Variants in TBC1D12 observed in about 807,000 individuals in gnomAD.
The protein encoded by TBC1D12 is TBC1 domain family member 12.
A neutral mutation model predicts 86.7 loss-of-function variants in TBC1D12; 56 were observed. The ratio of observed to expected loss-of-function variants is 0.65; its 90% CI spans 0.52 to 0.81. The LOEUF (loss-of-function observed/expected upper bound fraction) is 0.81. TBC1D12 is among the 30% of genes least tolerant of loss of function. The pLI, the probability that TBC1D12 is intolerant of heterozygous loss-of-function variation, is 0.00. For synonymous variants in TBC1D12, 421 were observed against 411.7 expected, an observed-to-expected ratio of 1.02 and a Z score of -0.27; for missense variants, 1,023 against 1,038.8, an observed-to-expected ratio of 0.98 and a Z score of 0.21.
chr10:94,484,770 C>A (rs1371462676), intron 3 of TBC1D12, among the ~76,000 whole-genome samples: 1 of 152,058 alleles, frequency 6.6e-6, no homozygotes, highest in African/African-American at 2.4e-5. Context: ...TCTTCAATTT[C>A]TTTTATCAGT....
intron 1 of TBC1D12, among the ~76,000 whole-genome samples, chr10:94,423,342 C>CTTTTTTTTTTT (rs71486719): frequency 1.1e-5 from 1 of 94,204 alleles, no homozygotes; most frequent in Non-Finnish European, 1.9e-5. Flanking sequence ...CATTCACCAT[C>CTTTTTTTTTTT]TTTTTTTTTT....
intron 2 of TBC1D12, among the ~76,000 whole-genome samples, chr10:94,447,843 C>T: frequency 6.7e-6 from 1 of 148,304 alleles, no homozygotes; most frequent in Admixed American, 6.8e-5. Flanking sequence ...TTCAAATGAA[C>T]CATGTTATAT....
At chr10:94,448,171 C>A (rs1038103787) in intron 2 of TBC1D12, among the ~76,000 whole-genome samples, 3 of 152,168 alleles carry the variant, frequency 2.0e-5, no homozygotes, top group Admixed American at 1.3e-4. Context: ...AGATCACTTT[C>A]CTCAGTTAAG....
chr10:94,466,973 C>T (rs777343393), intron 2 of TBC1D12, among the ~76,000 whole-genome samples: 1 of 151,574 alleles, frequency 6.6e-6, no homozygotes, highest in Non-Finnish European at 1.5e-5. Context: ...CTATTATTTT[C>T]TAGAATGGTC....
chr10:94,498,046 C>G (rs1379540594), intron 5 of TBC1D12, among the ~76,000 whole-genome samples: 1 of 152,070 alleles, frequency 6.6e-6, no homozygotes, highest in Non-Finnish European at 1.5e-5. Flanking sequence ...GTCTCGATCT[C>G]CTGACCTTGT....
chr10:94,405,041 T>C (rs747516645), intron 1 of TBC1D12, among the ~76,000 whole-genome samples: 1 of 144,244 alleles, frequency 6.9e-6, no homozygotes, highest in Non-Finnish European at 1.5e-5. Context: ...GAGCTAGACT[T>C]CTCTCAAAAA....
chr10:94,457,638 G>C (rs1042893265), intron 2 of TBC1D12, among the ~76,000 whole-genome samples: 1 of 152,134 alleles, frequency 6.6e-6, no homozygotes, highest in Non-Finnish European at 1.5e-5. Context: ...TATTGATACA[G>C]TTGGATTATT....
At chr10:94,488,124 G>A (rs773167723) in intron 3 of TBC1D12, among the ~76,000 whole-genome samples, 5 of 151,938 alleles carry the variant, frequency 3.3e-5, no homozygotes, top group African/African-American at 9.7e-5. Flanking sequence ...AGTGGCTTAC[G>A]ACTGTAATCC....
Position 94,402,865 on chromosome 10 carries a change from G to T in TBC1D12, c.252G>T (p.Gly84=). 1 of 1,526,550 alleles carries T rather than the reference G, an allele frequency of 6.6e-7. No individual in the cohort carries two copies. The highest frequency in any genetic ancestry group is 1.2e-5 in the South Asian group (1 of 80,698). The allele number at this position is 1,526,550 out of a possible 1,614,324, so 94.6% of individuals were successfully genotyped here. A position where few individuals can be genotyped will look rare whatever the true frequency, so the allele number is the denominator to read the frequency against. The change falls in exon 1 of 13, where the codon GGG becomes GGT. Residue 84 remains glycine, a synonymous_variant. Coordinates refer to ENST00000225235, the MANE Select transcript of TBC1D12 (RefSeq NM_015188.2). ...CGGCCGGGGAGCAGCTGGAGCCGGG[G>T]CTCTGCTACTGTCCGCTCCCCGCTG... The part of the protein sequence containing the change: ...LAAAGEQLEP[G]LCYCPLPAGQ...
intron 1 of TBC1D12, among the ~76,000 whole-genome samples, chr10:94,419,672 G>GA (rs1173581849): frequency 4.0e-5 from 6 of 151,596 alleles, no homozygotes; most frequent in African/African-American, 1.2e-4. Context: ...CTGTCTCAGG[G>GA]AAAAAAAAGA....
chr10:94,534,749 T>G lies in TBC1D12; in HGVS notation c.*1653T>G, dbSNP rs997366670. On this transcript the variant is annotated 3_prime_UTR_variant, in exon 13 of 13. Transcript: ENST00000225235. ...AATTGAAACATAGCATGAATTATTT[T>G]TATGTCGAGTTCTTGAACTGCTAAT... is the stretch of plus-strand genomic sequence containing the variant. 2.0e-5 allele frequency: 3 copies of G among 152,182 alleles called. No individual in the cohort carries two copies. The highest frequency in any genetic ancestry group is 1.3e-4 in the Admixed American group (2 of 15,280). The allele number at this position is 152,182 out of a possible 1,614,324, so 9.4% of individuals were successfully genotyped here.
intron 11 of TBC1D12, among the ~76,000 whole-genome samples, chr10:94,523,695 G>A (rs1368924838): frequency 6.6e-6 from 1 of 152,292 alleles, no homozygotes; most frequent in East Asian, 1.9e-4. Context: ...AAGTGCAGTG[G>A]CTGACGCCTG....
chr10:94,493,278 T>C, intron 3 of TBC1D12, 87 bp from the exon 4 acceptor site: 1 of 962,810 alleles, frequency 1.0e-6, no homozygotes, highest in Non-Finnish European at 1.6e-6. Flanking sequence ...AGAAATTCTT[T>C]GCATCTGGGT....
In TBC1D12 at chr10:94,529,452, C is replaced by G. The variant is rs570355321; in HGVS notation, c.2001-1750C>G. ...TGACCAACATGGAGAAACGCCGTCT[C>G]TACTAAAAATACAAAATTAGCCGGG... On this transcript the variant is annotated intron_variant, in intron 11 of 12. Coordinates refer to ENST00000225235, the MANE Select transcript of TBC1D12 (RefSeq NM_015188.2). Among the ~76,000 whole-genome samples the G allele has an allele frequency of 3.3e-5, 5 of 152,278 alleles. No homozygotes were observed. In the South Asian group the frequency reaches 8.3e-4, roughly 25 times the overall value.
chr10:94,410,561 G>C (rs986748465), intron 1 of TBC1D12, among the ~76,000 whole-genome samples: 4 of 151,806 alleles, frequency 2.6e-5, no homozygotes, highest in Admixed American at 2.0e-4. Flanking sequence ...TTTGGTTGTT[G>C]TTCTTGACAT....
chr10:94,505,645 T>C (rs2056450410), intron 6 of TBC1D12, among the ~76,000 whole-genome samples: 2 of 151,902 alleles, frequency 1.3e-5, no homozygotes, highest in Admixed American at 1.3e-4. Flanking sequence ...CCATTAGTAA[T>C]GATGAAAAGT....
At chr10:94,510,318 A>C (rs943249887) in intron 8 of TBC1D12, 139 bp downstream of exon 8, 3 of 527,226 alleles carry the variant, frequency 5.7e-6, no homozygotes, top group Non-Finnish European at 9.7e-6. Flanking sequence ...AAAGTGTAAA[A>C]CTAGTTATAA....
chr10:94,411,545 C>A (rs2054927668), intron 1 of TBC1D12, among the ~76,000 whole-genome samples: 1 of 152,058 alleles, frequency 6.6e-6, no homozygotes, highest in Non-Finnish European at 1.5e-5. Context: ...TAGCAAGACC[C>A]CATCTCATTT....
chr10:94,417,285 GA>G (rs200226563), intron 1 of TBC1D12, among the ~76,000 whole-genome samples: 1,825 of 152,130 alleles, frequency 0.012, 54 homozygotes, highest in African/African-American at 0.042. Context: ...TTGGATTAGA[GA>G]AAAAAAGTAA....
Sources: gnomAD v4.1 joint callset for allele counts (sites outside exome capture counted in the v4.1 genomes callset) on GRCh38, gnomAD v4.1.1 for gene constraint, MANE v1.5 for transcripts, NCBI Gene and HGNC (gene_info 2026-07-23, HGNC 2026-07-21) for gene names.